Variants in HSPA12A observed in about 807,000 individuals in gnomAD.
HSPA12A encodes the protein heat shock protein family A (Hsp70) member 12A, also known as heat shock 70 kDa protein 12A.
HSPA12A carries 28 observed loss-of-function variants against 69.2 expected under a neutral mutation model. That is an observed-to-expected ratio of 0.40 (90% CI 0.30 to 0.55). The LOEUF is 0.55. Ranked by LOEUF, HSPA12A falls within the 20% of genes least tolerant of loss-of-function variation. HSPA12A has a pLI of 0.38. For synonymous variants in HSPA12A, 345 were observed against 370.5 expected (o/e 0.93, Z 0.79); for missense variants, 686 against 900.7 (o/e 0.76, Z 3.05).
chr10:116,770,518 C>T (rs1844177682), intron 2 of HSPA12A, among the ~76,000 whole-genome samples: 1 of 152,078 alleles, frequency 6.6e-6, no homozygotes, highest in African/African-American at 2.4e-5. Flanking sequence ...GATGATAGCT[C>T]AAAGCCAGGT....
chr10:116,844,227 G>A (rs1412623737), intron 1 of HSPA12A, among the ~76,000 whole-genome samples: 5 of 152,186 alleles, frequency 3.3e-5, no homozygotes, highest in Non-Finnish European at 7.3e-5. Flanking sequence ...TTTTGTGGCT[G>A]TTCTGCAGAT....
rs766035016 is a variant in HSPA12A, at chr10:116,793,037, GA to G, written c.91+41897del. Among the ~76,000 whole-genome samples the G allele has an allele frequency of 2.3e-4, 35 of 152,246 alleles. No individual in the cohort carries two copies. The Middle Eastern group carries it at 0.01, about 44-fold the overall frequency. On this transcript the variant is annotated intron_variant, in intron 2 of 12. Coordinates refer to the HSPA12A transcript ENST00000635765. ...GGATGATTCATTTGATGTGCTGTGAGAAAAAATAACTGTCAACCTAGAATTC... is the reference window on the plus strand; with the variant it reads ...GGATGATTCATTTGATGTGCTGTGAGAAAAATAACTGTCAACCTAGAATTC...
chr10:116,807,316 C>T (rs557870935), intron 2 of HSPA12A, among the ~76,000 whole-genome samples: 2 of 151,990 alleles, frequency 1.3e-5, no homozygotes, highest in South Asian at 2.1e-4. Flanking sequence ...TAGCTCCTTT[C>T]GAAGCAGCCC....
intron 2 of HSPA12A, among the ~76,000 whole-genome samples, chr10:116,815,903 C>T (rs1449122519): frequency 6.6e-6 from 1 of 152,234 alleles, no homozygotes; most frequent in Non-Finnish European, 1.5e-5. Flanking sequence ...TGTTTCTGCT[C>T]TCCCTCTCGG....
At chr10:116,811,684 C>T (rs113721974) in intron 2 of HSPA12A, among the ~76,000 whole-genome samples, 1,945 of 151,868 alleles carry the variant, frequency 0.013, 24 homozygotes, top group African/African-American at 0.032. Context: ...GGCAGTGAGA[C>T]GGCATGGTGA....
intron 1 of HSPA12A, among the ~76,000 whole-genome samples, chr10:116,737,854 G>A (rs1851360475): frequency 6.6e-6 from 1 of 152,190 alleles, no homozygotes; most frequent in African/African-American, 2.4e-5. Flanking sequence ...CAGGAACGCA[G>A]CAAGGATCAG....
intron 1 of HSPA12A, among the ~76,000 whole-genome samples, chr10:116,726,489 G>A (rs1404231793): frequency 1.3e-5 from 2 of 150,682 alleles, no homozygotes; most frequent in African/African-American, 2.4e-5. Context: ...AGCAGTAAAA[G>A]GTCCTTGCTG....
At chr10:116,835,740 C>T (rs1487472498) in intron 1 of HSPA12A, among the ~76,000 whole-genome samples, 2 of 152,184 alleles carry the variant, frequency 1.3e-5, no homozygotes, top group African/African-American at 4.8e-5. Context: ...AGTTGGAATG[C>T]AAGAATTCAG....
rs1027622052 is a variant in HSPA12A at position 116,710,814 on chromosome 10, C to T, written c.41-3529G>A. On this transcript the variant is annotated intron_variant, in intron 1 of 11. Coordinates refer to ENST00000369209, the MANE Select transcript of HSPA12A (RefSeq NM_025015.3). This position sits in a 1 kb window ranked among gnomAD's most constrained non-coding sequence, Gnocchi z 4.1. Reference sequence around the variant, plus strand: ...CCAGCGAATGTCCATCAGTACAGCACAGAAATATACACAGCCAGTAGAGAC... The same window carrying T: ...CCAGCGAATGTCCATCAGTACAGCATAGAAATATACACAGCCAGTAGAGAC... Among the ~76,000 whole-genome samples the T allele has an allele frequency of 1.3e-5, 2 of 152,102 alleles. No individual in the cohort carries two copies. The highest frequency in any genetic ancestry group is 2.9e-5 in the Non-Finnish European group (2 of 68,020).
chr10:116,674,486 T>G lies in HSPA12A; in HGVS notation c.*295A>C. The G allele has an allele frequency of 2.3e-6, 1 of 425,964 alleles. No individual in the cohort carries two copies. The highest frequency in any genetic ancestry group is 4.3e-6 in the Non-Finnish European group (1 of 233,600). The allele number at this position is 425,964 out of a possible 1,614,324, so 26.4% of individuals were successfully genotyped here. Reference sequence around the variant, plus strand: ...AGCAGCGCAACCACTGCTGCAGAAATGTACTGATTCCCTTCTCCGTGGCCA... The same window carrying G: ...AGCAGCGCAACCACTGCTGCAGAAAGGTACTGATTCCCTTCTCCGTGGCCA... On this transcript the variant is annotated 3_prime_UTR_variant, in exon 12 of 12. Transcript: ENST00000369209.
At chr10:116,821,091 G>A (rs1845403044) in intron 2 of HSPA12A, among the ~76,000 whole-genome samples, 5 of 151,952 alleles carry the variant, frequency 3.3e-5, no homozygotes, top group Admixed American at 3.3e-4. Flanking sequence ...CATAATTGCT[G>A]CCTCTCCTCT....
At chr10:116,751,269 C>A in intron 2 of HSPA12A, 1 of 190,414 alleles carries the variant, frequency 5.3e-6, no homozygotes, top group Non-Finnish European at 1.2e-5. Flanking sequence ...AGAGCTAAAC[C>A]AAACAACAAT....
At chr10:116,689,083 C>T (rs1359484481) in intron 6 of HSPA12A, among the ~76,000 whole-genome samples, 1 of 152,134 alleles carries the variant, frequency 6.6e-6, no homozygotes, top group African/African-American at 2.4e-5. Flanking sequence ...TGCATCTGTG[C>T]ACCCTCTCTG....
At chr10:116,827,923 T>A (rs1845540609) in intron 2 of HSPA12A, among the ~76,000 whole-genome samples, 1 of 152,206 alleles carries the variant, frequency 6.6e-6, no homozygotes, top group East Asian at 1.9e-4. Flanking sequence ...TGCATATAGA[T>A]ATGACCAATT....
chr10:116,682,004 A>G (rs1849418992), intron 7 of HSPA12A, 127 bp from the exon 8 acceptor site: 2 of 746,194 alleles, frequency 2.7e-6, no homozygotes, highest in Non-Finnish European at 2.2e-6. Context: ...TTTGACCAAA[A>G]TAAGTCAATA....
intron 7 of HSPA12A, among the ~76,000 whole-genome samples, chr10:116,682,537 C>T (rs901161321): frequency 6.6e-6 from 1 of 152,122 alleles, no homozygotes; most frequent in Non-Finnish European, 1.5e-5. Flanking sequence ...CTGGCAAACC[C>T]CTGTGCTGCC....
intron 10 of HSPA12A, among the ~76,000 whole-genome samples, chr10:116,677,311 C>T (rs782647858): frequency 7.2e-5 from 11 of 152,204 alleles, no homozygotes; most frequent in Non-Finnish European, 1.2e-4. Flanking sequence ...AAGCAAATGG[C>T]GCCTCTGTCC....
intron 2 of HSPA12A, chr10:116,750,204 G>T: frequency 1.4e-6 from 1 of 705,942 alleles, no homozygotes; most frequent in Non-Finnish European, 2.6e-6. Flanking sequence ...CATTGTCCTG[G>T]CCTGCTGCTG....
intron 4 of HSPA12A, among the ~76,000 whole-genome samples, chr10:116,699,709 T>C (rs1233499829): frequency 2.6e-5 from 4 of 152,106 alleles, no homozygotes; most frequent in Non-Finnish European, 5.9e-5. Context: ...GCTCCCAGGC[T>C]CAGAAAGGTG....
Sources: allele counts gnomAD v4.1 joint callset (sites outside exome capture counted in the v4.1 genomes callset), GRCh38; gene constraint gnomAD v4.1.1; non-coding constraint Gnocchi (gnomAD v3.1); transcripts MANE v1.5; gene names NCBI Gene and HGNC (gene_info 2026-07-23, HGNC 2026-07-21).